The following ENTREP2 variants were observed in gnomAD, a reference collection of about 807,000 sequenced individuals.
ENTREP2 encodes protein ENTREP2.
chr15:29,548,173 G>A, the ENTREP2 span, among the ~76,000 whole-genome samples: 1 of 152,098 alleles, frequency 6.6e-6, no homozygotes, highest in East Asian at 1.9e-4. Context: ...CAATGGATAA[G>A]ATGGGGCCGG....
chr15:29,280,530 T>C, the ENTREP2 span, among the ~76,000 whole-genome samples: 2 of 152,194 alleles, frequency 1.3e-5, no homozygotes, highest in African/African-American at 4.8e-5. Context: ...GAATGGACTC[T>C]GTAACCTCAG....
chr15:29,407,525 G>T, the ENTREP2 span, among the ~76,000 whole-genome samples: 1 of 152,186 alleles, frequency 6.6e-6, no homozygotes. Context: ...CTCTAGCCCA[G>T]GAGAGAGGCG....
At chr15:29,285,458 A>T in the ENTREP2 span, among the ~76,000 whole-genome samples, 1 of 152,234 alleles carries the variant, frequency 6.6e-6, no homozygotes, top group African/African-American at 2.4e-5. Flanking sequence ...TTCCCAAAAC[A>T]TTTGAAAAAC....
chr15:29,164,064 C>CTAAG, the ENTREP2 span, among the ~76,000 whole-genome samples: 6 of 152,150 alleles, frequency 3.9e-5, no homozygotes, highest in African/African-American at 1.2e-4. Flanking sequence ...TTCAGCAAAA[C>CTAAG]TAAGCATCAT....
At chr15:29,589,625 T>C in the ENTREP2 span, among the ~76,000 whole-genome samples, 2 of 152,332 alleles carry the variant, frequency 1.3e-5, no homozygotes, top group East Asian at 3.9e-4. Flanking sequence ...CTCCGCTACC[T>C]CTGCAGCCTT....
At chr15:29,505,345 A>G in the ENTREP2 span, among the ~76,000 whole-genome samples, 1 of 152,228 alleles carries the variant, frequency 6.6e-6, no homozygotes, top group East Asian at 1.9e-4. This position sits in a 1 kb window ranked among gnomAD's most constrained non-coding sequence, Gnocchi z 4.3. Flanking sequence ...AGACTTAAAT[A>G]TTCCTGCCTG....
the ENTREP2 span, among the ~76,000 whole-genome samples, chr15:29,249,425 G>A: frequency 6.6e-6 from 1 of 152,182 alleles, no homozygotes. Context: ...ATACATGCAT[G>A]CATACCCATA....
At chr15:29,471,179 C>T in the ENTREP2 span, among the ~76,000 whole-genome samples, 6 of 152,154 alleles carry the variant, frequency 3.9e-5, no homozygotes, top group Admixed American at 2.6e-4. Flanking sequence ...TGCCTGGGCC[C>T]CACCTTCATC....
chr15:29,260,600 T>C, the ENTREP2 span, among the ~76,000 whole-genome samples: 2 of 152,192 alleles, frequency 1.3e-5, no homozygotes, highest in African/African-American at 4.8e-5. Context: ...CAGAGACACG[T>C]GCCAAAATAT....
chr15:29,521,236 A>G, the ENTREP2 span, among the ~76,000 whole-genome samples: 2 of 152,214 alleles, frequency 1.3e-5, no homozygotes, highest in Non-Finnish European at 2.9e-5. Context: ...TGATGTACAG[A>G]GTTAGTGTAA....
the ENTREP2 span, among the ~76,000 whole-genome samples, chr15:29,534,361 G>A: frequency 6.6e-6 from 1 of 152,062 alleles, no homozygotes; most frequent in African/African-American, 2.4e-5. Context: ...CACCCAAAAT[G>A]GAAAACTGGG....
the ENTREP2 span, among the ~76,000 whole-genome samples, chr15:29,118,892 T>G: frequency 1.0e-3 from 152 of 152,304 alleles, 2 homozygotes; most frequent in Non-Finnish European, 2.4e-4. Context: ...GGCGGTGGCC[T>G]GGGGTCCAGC....
the ENTREP2 span, among the ~76,000 whole-genome samples, chr15:29,503,689 C>T: frequency 6.6e-6 from 1 of 151,988 alleles, no homozygotes. Context: ...TTTTTAGGAT[C>T]TAGAGAAAAT....
chr15:29,608,546 A>ATTATTAT, the ENTREP2 span, among the ~76,000 whole-genome samples: 80 of 141,380 alleles, frequency 5.7e-4, no homozygotes, highest in Admixed American at 1.3e-3. Flanking sequence ...TATTATTATT[A>ATTATTAT]TTATTTATTT....
the ENTREP2 span, among the ~76,000 whole-genome samples, chr15:29,224,073 G>A: frequency 6.6e-6 from 1 of 152,176 alleles, no homozygotes; most frequent in Non-Finnish European, 1.5e-5. Flanking sequence ...AGTTCTTAAA[G>A]ACACCGTGTC....
At chr15:29,451,956 T>G in the ENTREP2 span, among the ~76,000 whole-genome samples, 1 of 152,262 alleles carries the variant, frequency 6.6e-6, no homozygotes. Context: ...GCTTTTCAGT[T>G]AAGTAAATGT....
the ENTREP2 span, among the ~76,000 whole-genome samples, chr15:29,639,678 A>G: frequency 6.6e-6 from 1 of 152,144 alleles, no homozygotes; most frequent in Non-Finnish European, 1.5e-5. Flanking sequence ...ATAAGAAAGG[A>G]AATAAGAAGA....
the ENTREP2 span, among the ~76,000 whole-genome samples, chr15:29,429,382 T>C: frequency 3.9e-5 from 6 of 152,282 alleles, no homozygotes; most frequent in Admixed American, 3.9e-4. Context: ...CTACCACACC[T>C]GGGTAATTTT....
At chr15:29,191,606 C>T in the ENTREP2 span, among the ~76,000 whole-genome samples, 59,295 of 151,830 alleles carry the variant, frequency 0.39, 11,822 homozygotes, top group East Asian at 0.55. Context: ...AGAAAACAGC[C>T]AGGAAGAGAA....
Sources: allele counts gnomAD v4.1 joint callset (sites outside exome capture counted in the v4.1 genomes callset), GRCh38; gene constraint gnomAD v4.1.1; non-coding constraint Gnocchi (gnomAD v3.1); transcripts MANE v1.5; gene names NCBI Gene and HGNC (gene_info 2026-07-23, HGNC 2026-07-21).